Variants in DOK6 observed in about 807,000 individuals in gnomAD.
The protein encoded by DOK6 is downstream of tyrosine kinase 6.
Under a neutral mutation model 44.0 loss-of-function variants are expected in DOK6, and 22 were observed. That is an observed-to-expected ratio of 0.50 (90% CI 0.36 to 0.71). DOK6 has a LOEUF of 0.71. DOK6 is among the 30% of genes least tolerant of loss of function. DOK6 has a pLI of 0.00. For synonymous variants in DOK6, 166 were observed against 145.5 expected (o/e 1.14, Z -1.01); for missense variants, 340 against 416.4 (o/e 0.82, Z 1.60).
intron 3 of DOK6, among the ~76,000 whole-genome samples, chr18:69,634,010 G>A (rs949968024): frequency 1.3e-5 from 2 of 151,866 alleles, no homozygotes; most frequent in Non-Finnish European, 2.9e-5. Context: ...TATTAATTTA[G>A]CAGTGACTTT....
At chr18:69,624,231 A>G (rs914972497) in intron 3 of DOK6, among the ~76,000 whole-genome samples, 1 of 152,160 alleles carries the variant, frequency 6.6e-6, no homozygotes, top group Non-Finnish European at 1.5e-5. Context: ...CATCATCACC[A>G]TCATCATCGT....
At chr18:69,610,168 CAATAA>C (rs1001720815) in intron 3 of DOK6, among the ~76,000 whole-genome samples, 1 of 151,864 alleles carries the variant, frequency 6.6e-6, no homozygotes, top group African/African-American at 2.4e-5. Context: ...GTTCTTATAA[CAATAA>C]AATAAAATTT....
intron 1 of DOK6, among the ~76,000 whole-genome samples, chr18:69,544,450 A>G (rs1982348768): frequency 6.6e-6 from 1 of 151,688 alleles, no homozygotes; most frequent in South Asian, 2.1e-4. Flanking sequence ...GAAGAAAATA[A>G]TGGGAAAGCA....
intron 1 of DOK6, among the ~76,000 whole-genome samples, chr18:69,487,175 A>ATGTGTGTG (rs1491370092): frequency 3.9e-5 from 4 of 102,502 alleles, no homozygotes; most frequent in African/African-American, 1.4e-4. Flanking sequence ...CACTGATAGG[A>ATGTGTGTG]TATGTGTGTG....
chr18:69,517,326 A>G (rs867779975), intron 1 of DOK6, among the ~76,000 whole-genome samples: 16 of 150,846 alleles, frequency 1.1e-4, no homozygotes, highest in Admixed American at 2.0e-4. Flanking sequence ...TGCATAGGGG[A>G]AAAAAAAACA....
chr18:69,757,419 C>T (rs1344206648), intron 6 of DOK6, among the ~76,000 whole-genome samples: 1 of 152,178 alleles, frequency 6.6e-6, no homozygotes, highest in African/African-American at 2.4e-5. Context: ...GCAAATAATT[C>T]TTGTCCATAG....
chr18:69,432,781 C>A (rs1366061402), intron 1 of DOK6, among the ~76,000 whole-genome samples: 2 of 152,026 alleles, frequency 1.3e-5, no homozygotes, highest in African/African-American at 2.4e-5. Flanking sequence ...AAAGAAAATA[C>A]AATTTTATTT....
intron 2 of DOK6, among the ~76,000 whole-genome samples, chr18:69,576,640 A>G (rs1430721549): frequency 6.6e-6 from 1 of 152,178 alleles, no homozygotes; most frequent in Non-Finnish European, 1.5e-5. Context: ...TGAAACTGCT[A>G]TAAAATGGTA....
At chr18:69,808,134 A>G (rs1981109954) in intron 7 of DOK6, among the ~76,000 whole-genome samples, 1 of 151,912 alleles carries the variant, frequency 6.6e-6, no homozygotes. Flanking sequence ...AATTAATAAC[A>G]AGAGGAATTT....
At chr18:69,456,366 GT>G (rs1979633485) in intron 1 of DOK6, among the ~76,000 whole-genome samples, 1 of 152,000 alleles carries the variant, frequency 6.6e-6, no homozygotes, top group Non-Finnish European at 1.5e-5. Flanking sequence ...TGTGGTCAAT[GT>G]TTAGCTCCTA....
chr18:69,735,463 G>A (rs532263287), intron 5 of DOK6, among the ~76,000 whole-genome samples: 2 of 152,320 alleles, frequency 1.3e-5, no homozygotes, highest in Non-Finnish European at 2.9e-5. Flanking sequence ...AGTCACAAGG[G>A]ATAAAGGCCA....
chr18:69,667,307 A>C (rs4614828), intron 3 of DOK6, among the ~76,000 whole-genome samples: 137,555 of 152,174 alleles, frequency 0.9, 63,847 homozygotes, highest in East Asian at 1. Context: ...GACCTAAAAA[A>C]AATTACAAAA....
At chr18:69,744,649 G>A (rs1978919455) in intron 6 of DOK6, among the ~76,000 whole-genome samples, 1 of 152,108 alleles carries the variant, frequency 6.6e-6, no homozygotes, top group South Asian at 2.1e-4. Flanking sequence ...ACTTGGCTGG[G>A]CGGGGTGGCT....
rs139499686 is a variant in DOK6 at position 69,671,000 on chromosome 18, C to A, written c.290-6734C>A. Among the ~76,000 whole-genome samples the A allele has an allele frequency of 5.3e-5, 8 of 152,218 alleles. No homozygotes were observed. In the East Asian group the frequency reaches 1.5e-3, roughly 29 times the overall value. The stretch of plus-strand genomic sequence containing the variant: ...CCCAACACACACACACACGCACACA[C>A]GCGCACACATACACACACACTACAC... On this transcript the variant is annotated intron_variant, in intron 3 of 7. Transcript: ENST00000382713.
At chr18:69,662,938 G>A (rs1271434691) in intron 3 of DOK6, 3 of 152,200 alleles carry the variant, frequency 2.0e-5, no homozygotes, top group Admixed American at 2.0e-4. Context: ...AGCCAATTAA[G>A]TAAACCAAAG....
chr18:69,523,502 C>A (rs908550436), intron 1 of DOK6, among the ~76,000 whole-genome samples: 13 of 151,942 alleles, frequency 8.6e-5, no homozygotes, highest in African/African-American at 3.1e-4. Flanking sequence ...TCTCTCAAAC[C>A]AATTTAATGT....
chr18:69,690,041 CAGTT>C (rs1395222263), intron 4 of DOK6, among the ~76,000 whole-genome samples: 2 of 152,012 alleles, frequency 1.3e-5, no homozygotes, highest in Non-Finnish European at 2.9e-5. Context: ...TAAGGTTTAA[CAGTT>C]AAATTTTTAA....
chr18:69,651,898 T>C (rs1271722036), intron 3 of DOK6, among the ~76,000 whole-genome samples: 1 of 152,106 alleles, frequency 6.6e-6, no homozygotes, highest in Non-Finnish European at 1.5e-5. Flanking sequence ...GTCATTTGAT[T>C]ATTCAGAATC....
intron 1 of DOK6, among the ~76,000 whole-genome samples, chr18:69,466,097 A>G (rs910195460): frequency 2.6e-5 from 4 of 152,202 alleles, no homozygotes; most frequent in African/African-American, 9.7e-5. Context: ...CATGCTGTAC[A>G]GTAGATTTTG....
Sources: allele counts gnomAD v4.1 joint callset (sites outside exome capture counted in the v4.1 genomes callset), GRCh38; gene constraint gnomAD v4.1.1; transcripts MANE v1.5; gene names NCBI Gene and HGNC (gene_info 2026-07-23, HGNC 2026-07-21).